The following TAB3 variants were observed in gnomAD, a reference collection of about 807,000 sequenced individuals.
TAB3 encodes TGF-beta-activated kinase 1 and MAP3K7-binding protein 3.
A neutral mutation model predicts 48.1 loss-of-function variants in TAB3; 18 were observed. That is an observed-to-expected ratio of 0.37 (90% CI 0.26 to 0.55). The LOEUF (loss-of-function observed/expected upper bound fraction) is 0.55. TAB3 is among the 20% of genes least tolerant of loss of function. TAB3 has a pLI of 0.78. For synonymous variants in TAB3, 185 were observed against 190.2 expected (o/e 0.97, Z 0.22); for missense variants, 414 against 549.8 (o/e 0.75, Z 2.47).
intron 9 of TAB3, chrX:30,836,170 A>C (rs1268235789): frequency 8.9e-6 from 1 of 112,237 alleles, no homozygotes; most frequent in African/African-American, 3.2e-5. Context: ...ACTGTTTCTA[A>C]GTTTTAACAG....
chrX:30,831,967 A>G (rs983853852), intron 10 of TAB3, among the ~76,000 whole-genome samples: 1 of 111,818 alleles, frequency 8.9e-6, no homozygotes, highest in Non-Finnish European at 1.9e-5. Flanking sequence ...TTTCCTCTCT[A>G]TAGTATAATA....
chrX:30,837,969 T>C (rs1035536287), intron 9 of TAB3, among the ~76,000 whole-genome samples: 4 of 112,569 alleles, frequency 3.6e-5, no homozygotes, highest in Non-Finnish European at 7.5e-5. Context: ...TTGTCAAATA[T>C]CAAATGACAG....
chrX:30,849,999 T>A (rs902933897), intron 7 of TAB3, among the ~76,000 whole-genome samples: 2 of 112,121 alleles, frequency 1.8e-5, no homozygotes, highest in African/African-American at 6.5e-5. Flanking sequence ...CCTCATATAA[T>A]CCTAAGAAAA....
At chrX:30,839,582 A>G (rs990201535) in intron 9 of TAB3, among the ~76,000 whole-genome samples, 4 of 111,031 alleles carry the variant, frequency 3.6e-5, no homozygotes, top group African/African-American at 9.8e-5. Context: ...AATGTAAACT[A>G]TGGACTCTGA....
intron 1 of TAB3, among the ~76,000 whole-genome samples, chrX:30,888,625 C>T (rs1251849112): frequency 2.7e-5 from 3 of 112,350 alleles, no homozygotes; most frequent in Non-Finnish European, 5.6e-5. Context: ...CAACACCTAC[C>T]AACAGTCATC....
Position 30,855,125 on chromosome X carries a change from T to C in TAB3, c.540A>G (p.Pro180=), listed in dbSNP as rs775895820. Residue 180 remains proline, a synonymous_variant, in exon 6 of 11, where the codon CCA becomes CCG. Transcript: ENST00000288422. ...GAGGTATGTGCATGTATGAAGGAGG[T>C]GGCGGTGGTGGTGAAGGCCCTTGCA... The part of the protein sequence containing the change: ...SAMQGPSPPP[P]PPSYMHIPRY... 14 of 1,210,791 alleles carry C rather than the reference T, an allele frequency of 1.2e-5. No individual in the cohort carries two copies. The South Asian group carries it at 2.5e-4, about 21-fold the overall frequency.
intron 4 of TAB3, among the ~76,000 whole-genome samples, chrX:30,864,809 T>G (rs77897645): frequency 1.1e-3 from 117 of 110,950 alleles, no homozygotes; most frequent in Middle Eastern, 9.2e-3. Flanking sequence ...GTGTGTTTTT[T>G]TTTTAAAGTT....
intron 1 of TAB3, among the ~76,000 whole-genome samples, chrX:30,879,964 C>A (rs894950428): frequency 9.0e-5 from 10 of 111,603 alleles, no homozygotes; most frequent in Non-Finnish European, 1.9e-4. Context: ...TATCAAATAT[C>A]TACAAATAAA....
chrX:30,881,140 T>A (rs1443440139), intron 1 of TAB3, among the ~76,000 whole-genome samples: 1 of 109,506 alleles, frequency 9.1e-6, no homozygotes, highest in African/African-American at 3.3e-5. Flanking sequence ...GACAAAAGAG[T>A]CCATTTAGAT....
chrX:30,861,243 G>T (rs1018604268), intron 4 of TAB3, among the ~76,000 whole-genome samples: 1 of 111,699 alleles, frequency 9.0e-6, no homozygotes, highest in African/African-American at 3.3e-5. Context: ...GTTAAATGAT[G>T]AATCAATTTC....
At chrX:30,850,700 A>C (rs1287018154) in intron 7 of TAB3, among the ~76,000 whole-genome samples, 1 of 104,485 alleles carries the variant, frequency 9.6e-6, no homozygotes, top group Non-Finnish European at 2.0e-5. Context: ...TGACAGGGTG[A>C]GACTCTCCAT....
intron 10 of TAB3, 39 bp from the exon 11 acceptor site, chrX:30,831,614 A>G (rs1318460335): frequency 8.5e-7 from 1 of 1,176,521 alleles, no homozygotes; most frequent in South Asian, 2.0e-5. Flanking sequence ...GGGAAGGTAA[A>G]TAGATTAACC....
At chrX:30,858,964 A>T (rs1162631673) in intron 5 of TAB3, among the ~76,000 whole-genome samples, 1 of 112,019 alleles carries the variant, frequency 8.9e-6, no homozygotes, top group Non-Finnish European at 1.9e-5. Context: ...AAAGACTTTT[A>T]AAAAAAGACT....
chrX:30,881,016 T>C, intron 1 of TAB3, among the ~76,000 whole-genome samples: 1 of 111,434 alleles, frequency 9.0e-6, no homozygotes, highest in Non-Finnish European at 1.9e-5. Flanking sequence ...AACAATAATA[T>C]ATAATGATCT....
intron 1 of TAB3, among the ~76,000 whole-genome samples, chrX:30,886,414 C>T (rs930694589): frequency 5.4e-5 from 6 of 110,703 alleles, no homozygotes; most frequent in Non-Finnish European, 7.6e-5. Context: ...TTTTATTTAA[C>T]GCTTTCTTGG....
chrX:30,847,786 T>C (rs1356806078), intron 7 of TAB3, among the ~76,000 whole-genome samples: 1 of 111,548 alleles, frequency 9.0e-6, no homozygotes, highest in Non-Finnish European at 1.9e-5. Flanking sequence ...GGAGCTATTA[T>C]CAGAGTAACT....
At chrX:30,861,282 A>C (rs1939244785) in intron 4 of TAB3, among the ~76,000 whole-genome samples, 1 of 111,348 alleles carries the variant, frequency 9.0e-6, no homozygotes, top group South Asian at 3.8e-4. Flanking sequence ...ACCTAATAAG[A>C]TAGATTTGGA....
chrX:30,833,119 T>C (rs941581675), intron 10 of TAB3, among the ~76,000 whole-genome samples: 53 of 108,641 alleles, frequency 4.9e-4, no homozygotes, highest in East Asian at 2.9e-3. Context: ...TACAGGCGCC[T>C]GCCACCGCAC....
rs748961949 is a variant in TAB3, at chrX:30,855,578, G to A, written c.103-16C>T. The A allele has an allele frequency of 2.6e-6, 3 of 1,161,389 alleles. No individual in the cohort carries two copies. Among genetic ancestry groups the A allele is most frequent in the Non-Finnish European group, 3.4e-6 (3 of 872,107 alleles). On this transcript the variant is annotated splice_polypyrimidine_tract_variant and intron_variant, in intron 5 of 10. Transcript: ENST00000288422. ...TGTTGTTATTCTAGGGGAGAAAAAT[G>A]GTAAAAGTAACATTGGCAACATTAA...
Sources: allele counts gnomAD v4.1 joint callset (sites outside exome capture counted in the v4.1 genomes callset), GRCh38; gene constraint gnomAD v4.1.1; transcripts MANE v1.5; gene names NCBI Gene and HGNC (gene_info 2026-07-23, HGNC 2026-07-21).